KCNAB1: variants seen among roughly 807,000 people sequenced by gnomAD.
KCNAB1 encodes the protein voltage-gated potassium channel subunit beta-1.
KCNAB1 carries 35 observed loss-of-function variants against 64.6 expected under a neutral mutation model. That is an observed-to-expected ratio of 0.54 (90% CI 0.41 to 0.72). The LOEUF (loss-of-function observed/expected upper bound fraction) is 0.72. Ranked by LOEUF, KCNAB1 falls within the 30% of genes least tolerant of loss-of-function variation. The pLI is 0.00. For missense variants in KCNAB1, 401 were observed against 512.9 expected, an observed-to-expected ratio of 0.78 and a Z score of 2.11; for synonymous variants, 177 against 183.8, an observed-to-expected ratio of 0.96 and a Z score of 0.30.
intron 1 of KCNAB1, among the ~76,000 whole-genome samples, chr3:156,378,562 A>T (rs1576793126): frequency 6.6e-6 from 1 of 152,030 alleles, no homozygotes; most frequent in African/African-American, 2.4e-5. Flanking sequence ...TGTTCAAGAA[A>T]TCCCTCATCC....
chr3:156,321,788 A>AACTGTGTT (rs1165062419), intron 1 of KCNAB1, among the ~76,000 whole-genome samples: 2 of 152,172 alleles, frequency 1.3e-5, no homozygotes, highest in African/African-American at 4.8e-5. Flanking sequence ...AGGTAGTTAA[A>AACTGTGTT]ACTGTGTTTT....
In KCNAB1 at chr3:156,537,084, T is replaced by C; in HGVS notation, c.*337T>C. On this transcript the variant is annotated 3_prime_UTR_variant, in exon 14 of 14. Transcript: ENST00000490337. ...GGTAACTCAAAGAAGGCTGTACAGA[T>C]ATATTTTTTCAAAAGAACAAAATCC... 2 of 405,086 alleles carry C rather than the reference T, an allele frequency of 4.9e-6. No homozygotes were observed. The highest frequency in any genetic ancestry group is 8.7e-6 in the Non-Finnish European group (2 of 230,182). The allele number at this position is 405,086 out of a possible 1,614,324, so 25.1% of individuals were successfully genotyped here.
At position 156,508,679 on chromosome 3, in the gene KCNAB1, C is replaced by T. The variant is rs17431517; in HGVS notation, c.659-5685C>T. Among the ~76,000 whole-genome samples the T allele has an allele frequency of 7.7e-4, 117 of 152,128 alleles. No individual in the cohort carries two copies. Among genetic ancestry groups the T allele is most frequent in the African/African-American group, 2.6e-3 (107 of 41,464 alleles). ...AAGTTATTCTACACCCATTATCCCA[C>T]GTCAAGCTTTGAAAGAATTTCACAA... is the stretch of plus-strand genomic sequence containing the variant. On this transcript the variant is annotated intron_variant, in intron 8 of 13. Transcript: ENST00000490337. This position sits in a 1 kb window ranked among gnomAD's most constrained non-coding sequence, Gnocchi z 4.1.
intron 1 of KCNAB1, among the ~76,000 whole-genome samples, chr3:156,131,267 G>A (rs1185491977): frequency 1.2e-4 from 19 of 152,194 alleles, no homozygotes; most frequent in Admixed American, 1.2e-3. Context: ...TGAAACAACA[G>A]CTTTCCCCAA....
chr3:156,327,044 T>A (rs943106758), intron 1 of KCNAB1, among the ~76,000 whole-genome samples: 10 of 152,162 alleles, frequency 6.6e-5, no homozygotes, highest in Admixed American at 6.5e-4. Flanking sequence ...CTAAGTAGGA[T>A]TCTCTTTGCA....
At chr3:156,386,506 A>G (rs943094560) in intron 1 of KCNAB1, among the ~76,000 whole-genome samples, 1 of 152,182 alleles carries the variant, frequency 6.6e-6, no homozygotes, top group African/African-American at 2.4e-5. Flanking sequence ...TCAGTGCAAC[A>G]GGTGTGGACC....
At chr3:156,498,864 T>C (rs1460506943) in intron 8 of KCNAB1, among the ~76,000 whole-genome samples, 7 of 152,216 alleles carry the variant, frequency 4.6e-5, no homozygotes, top group Non-Finnish European at 4.4e-5. Context: ...CTGAAGCATT[T>C]CTTTGAAGAA....
At chr3:156,219,779 A>G (rs1007856250) in intron 1 of KCNAB1, among the ~76,000 whole-genome samples, 3 of 151,816 alleles carry the variant, frequency 2.0e-5, no homozygotes, top group African/African-American at 4.8e-5. Context: ...CAGGTTTGTT[A>G]TATAGGTAAA....
At chr3:156,403,527 A>G (rs556916030) in intron 1 of KCNAB1, among the ~76,000 whole-genome samples, 166 of 152,278 alleles carry the variant, frequency 1.1e-3, no homozygotes, top group African/African-American at 4.0e-3. Context: ...ATAAGGCTCA[A>G]TGACACATAG....
chr3:156,442,964 G>C (rs6790336), intron 2 of KCNAB1, among the ~76,000 whole-genome samples: 101,025 of 151,560 alleles, frequency 0.67, 33,969 homozygotes, highest in East Asian at 0.76. Flanking sequence ...GGAGGTGGCC[G>C]AGGAGAGTGA....
chr3:156,487,377 G>T (rs1022177690), intron 8 of KCNAB1, among the ~76,000 whole-genome samples: 2 of 152,120 alleles, frequency 1.3e-5, no homozygotes, highest in African/African-American at 2.4e-5. Flanking sequence ...TGTTCAAATA[G>T]TGGAAAATAT....
intron 9 of KCNAB1, among the ~76,000 whole-genome samples, chr3:156,514,839 GT>G (rs1354076513): frequency 1.3e-5 from 2 of 151,926 alleles, no homozygotes; most frequent in Non-Finnish European, 2.9e-5. Flanking sequence ...TTTCTTTATC[GT>G]AGTGTACAAT....
rs12636166 is a variant in KCNAB1 at position 156,370,599 on chromosome 3, G to A, written c.276-51017G>A. Among the ~76,000 whole-genome samples, 68 of 152,294 alleles carry A rather than the reference G, an allele frequency of 4.5e-4. No individual in the cohort carries two copies. In the East Asian group the frequency reaches 0.013, roughly 29 times the overall value. ...CAAACTGATGTATGAGACTGAATCA[G>A]GTCACTGGAAAGGGAAGGGGATATG... On this transcript the variant is annotated intron_variant, in intron 1 of 13. Transcript: ENST00000490337.
At chr3:156,318,201 CT>C (rs892183033) in intron 1 of KCNAB1, among the ~76,000 whole-genome samples, 15 of 152,250 alleles carry the variant, frequency 9.9e-5, no homozygotes, top group African/African-American at 3.6e-4. Flanking sequence ...GGGCAAAAGC[CT>C]TTGCTTTTTA....
intron 1 of KCNAB1, chr3:156,291,015 C>T: frequency 2.0e-6 from 2 of 985,832 alleles, no homozygotes; most frequent in Non-Finnish European, 2.4e-6. Context: ...GCGGCATAAG[C>T]ACCCCCTCTC....
chr3:156,239,709 G>A (rs1036181301), intron 1 of KCNAB1, among the ~76,000 whole-genome samples: 8 of 152,050 alleles, frequency 5.3e-5, no homozygotes, highest in Admixed American at 1.3e-4. Context: ...TATTCCATTC[G>A]ACGTATTTAT....
At chr3:156,310,664 CG>C (rs1280751239) in intron 1 of KCNAB1, among the ~76,000 whole-genome samples, 1 of 152,000 alleles carries the variant, frequency 6.6e-6, no homozygotes, top group Non-Finnish European at 1.5e-5. Context: ...ATTAGCCGGG[CG>C]GGGTGGCGGG....
intron 2 of KCNAB1, among the ~76,000 whole-genome samples, chr3:156,451,434 T>G (rs1464346604): frequency 2.0e-5 from 3 of 152,214 alleles, no homozygotes; most frequent in Non-Finnish European, 4.4e-5. Context: ...TGTGGTGTGG[T>G]AAAAAGGATA....
At chr3:156,324,854 G>T (rs1186409549) in intron 1 of KCNAB1, among the ~76,000 whole-genome samples, 1 of 152,128 alleles carries the variant, frequency 6.6e-6, no homozygotes, top group African/African-American at 2.4e-5. Context: ...CAGTTCTTGA[G>T]AGTGTGAGTA....
Sources: gnomAD v4.1 joint callset for allele counts (sites outside exome capture counted in the v4.1 genomes callset) on GRCh38, gnomAD v4.1.1 for gene constraint, Gnocchi (gnomAD v3.1) non-coding constraint, MANE v1.5 for transcripts, NCBI Gene and HGNC (gene_info 2026-07-23, HGNC 2026-07-21) for gene names.